Variants in DCBLD2 observed in about 807,000 individuals in gnomAD.
The protein encoded by DCBLD2 is discoidin, CUB and LCCL domain containing 2.
DCBLD2 carries 54 observed loss-of-function variants against 86.8 expected under a neutral mutation model. That is an observed-to-expected ratio of 0.62 (90% CI 0.50 to 0.78). The LOEUF is 0.78. DCBLD2 is among the 30% of genes least tolerant of loss of function. The pLI, the probability that DCBLD2 is intolerant of heterozygous loss-of-function variation, is 0.00. For missense variants in DCBLD2, 908 were observed against 954.2 expected (o/e 0.95, Z 0.64); for synonymous variants, 354 against 341.3 (o/e 1.04, Z -0.41).
chr3:98,820,321 T>A, intron 6 of DCBLD2, 33 bp from the exon 7 acceptor site: 1 of 1,423,626 alleles, frequency 7.0e-7, no homozygotes, highest in Non-Finnish European at 9.3e-7. Context: ...TTGGTGATAC[T>A]CACATAACAC....
At chr3:98,870,810 A>AAAGAAAGAAAGAAAGGAAGG (rs760385201) in intron 2 of DCBLD2, among the ~76,000 whole-genome samples, 11 of 131,690 alleles carry the variant, frequency 8.4e-5, no homozygotes, top group East Asian at 4.2e-4. Flanking sequence ...AGAAAGAAAG[A>AAAGAAAGAAAGAAAGGAAGG]AAGGTAGGCA....
chr3:98,864,058 C>T (rs981900604), intron 2 of DCBLD2, among the ~76,000 whole-genome samples: 2 of 152,222 alleles, frequency 1.3e-5, no homozygotes, highest in African/African-American at 4.8e-5. Flanking sequence ...TGAACAGACA[C>T]TTCTCAAAAG....
At chr3:98,813,263 C>G (rs1252282766) in intron 9 of DCBLD2, 1 of 152,006 alleles carries the variant, frequency 6.6e-6, no homozygotes, top group Non-Finnish European at 1.5e-5. Flanking sequence ...GCAATATTTA[C>G]TTATTTATTT....
intron 2 of DCBLD2, among the ~76,000 whole-genome samples, chr3:98,862,200 A>G (rs922201160): frequency 6.6e-6 from 1 of 152,200 alleles, no homozygotes; most frequent in Admixed American, 6.5e-5. Flanking sequence ...GAACAGACCA[A>G]TAACAGGCTC....
intron 3 of DCBLD2, among the ~76,000 whole-genome samples, chr3:98,830,457 C>T (rs1418843117): frequency 2.0e-5 from 3 of 152,206 alleles, no homozygotes; most frequent in Non-Finnish European, 2.9e-5. Context: ...CTGCATATGG[C>T]TAGCCAGTTA....
chr3:98,817,722 A>G (rs1308405059), intron 9 of DCBLD2, 47 bp downstream of exon 9: 4 of 1,594,478 alleles, frequency 2.5e-6, no homozygotes, highest in Non-Finnish European at 3.4e-6. Context: ...CTTGGCAACC[A>G]CCCATTTAAA....
intron 4 of DCBLD2, among the ~76,000 whole-genome samples, 171 bp from the exon 5 acceptor site, chr3:98,822,912 G>T (rs112956587): frequency 1.3e-5 from 2 of 152,044 alleles, no homozygotes; most frequent in African/African-American, 2.4e-5. Context: ...CACTCTTGTC[G>T]CCCAGGCTGG....
intron 13 of DCBLD2, chr3:98,805,122 C>T (rs1296789476): frequency 6.6e-6 from 1 of 152,204 alleles, no homozygotes; most frequent in East Asian, 1.9e-4. Context: ...AAGCCATGTG[C>T]TTTTCCTACT....
At chr3:98,876,936 G>C (rs1208056447) in intron 2 of DCBLD2, among the ~76,000 whole-genome samples, 2 of 152,154 alleles carry the variant, frequency 1.3e-5, no homozygotes, top group African/African-American at 4.8e-5. Context: ...GAATGTTAAA[G>C]TTCGTATAAG....
intron 2 of DCBLD2, among the ~76,000 whole-genome samples, chr3:98,866,420 T>TA (rs1238845938): frequency 6.2e-4 from 94 of 152,338 alleles, no homozygotes; most frequent in African/African-American, 1.5e-3. Context: ...TGTGAGATGG[T>TA]ATCTCATTGT....
intron 1 of DCBLD2, chr3:98,900,756 G>A (rs574862233): frequency 4.0e-5 from 11 of 272,944 alleles, no homozygotes; most frequent in Non-Finnish European, 7.1e-5. Context: ...TAATTAACCT[G>A]CCTTCCTACA....
In DCBLD2 at chr3:98,801,710, C is replaced by A. The variant is rs1559766738; in HGVS notation, c.1671-61G>T. 4.5e-6 allele frequency: 6 copies of A among 1,322,744 alleles called. No homozygotes were observed. The South Asian group carries it at 5.3e-5, about 12-fold the overall frequency. The allele number at this position is 1,322,744 out of a possible 1,614,324, so 81.9% of individuals were successfully genotyped here. The stretch of plus-strand genomic sequence containing the variant: ...TAAATTCACTGGTAAGCCTGCTCCC[C>A]CTACCCCATGACAGGCCTTGGTATG... On this transcript the variant is annotated intron_variant, in intron 13 of 15. Transcript: ENST00000326840.
chr3:98,818,483 C>G (rs1942061862), intron 8 of DCBLD2, among the ~76,000 whole-genome samples: 1 of 152,098 alleles, frequency 6.6e-6, no homozygotes, highest in Admixed American at 6.5e-5. Context: ...AAACAAAAAG[C>G]TATTACGAAT....
chr3:98,892,233 G>A (rs530646279), intron 1 of DCBLD2, among the ~76,000 whole-genome samples: 17 of 152,152 alleles, frequency 1.1e-4, no homozygotes, highest in African/African-American at 4.1e-4. Flanking sequence ...CTACCTCACG[G>A]ATGAGGATAC....
chr3:98,883,963 C>T (rs971323701), intron 1 of DCBLD2, among the ~76,000 whole-genome samples: 3 of 152,032 alleles, frequency 2.0e-5, no homozygotes, highest in African/African-American at 7.2e-5. Context: ...GTGGTGGATG[C>T]TAAATAAATG....
chr3:98,802,034 A>G (rs1941731910), intron 13 of DCBLD2: 1 of 157,994 alleles, frequency 6.3e-6, no homozygotes, highest in Non-Finnish European at 1.4e-5. Flanking sequence ...ATGTGTCTCT[A>G]TAGCAGCATG....
intron 4 of DCBLD2, among the ~76,000 whole-genome samples, chr3:98,824,315 A>ATAG (rs373215320): frequency 0.36 from 54,706 of 152,012 alleles, 11,009 homozygotes; most frequent in East Asian, 0.71. Flanking sequence ...ACCATTAGGC[A>ATAG]ATAGTACAGC....
intron 3 of DCBLD2, among the ~76,000 whole-genome samples, chr3:98,847,629 G>A (rs1301688211): frequency 1.3e-5 from 2 of 152,082 alleles, no homozygotes; most frequent in Admixed American, 6.6e-5. Flanking sequence ...AGGAGGAATC[G>A]CTTGCTTTCC....
chr3:98,897,545 G>A (rs775501629), intron 1 of DCBLD2, among the ~76,000 whole-genome samples: 11 of 151,932 alleles, frequency 7.2e-5, no homozygotes, highest in Non-Finnish European at 1.2e-4. Flanking sequence ...TTATTTTCTG[G>A]CAACTCACAA....
Sources: allele counts gnomAD v4.1 joint callset (sites outside exome capture counted in the v4.1 genomes callset), GRCh38; gene constraint gnomAD v4.1.1; transcripts MANE v1.5; gene names NCBI Gene and HGNC (gene_info 2026-07-23, HGNC 2026-07-21).